Variants in ENOX1 observed in about 807,000 individuals in gnomAD.
The protein encoded by ENOX1 is ecto-NOX disulfide-thiol exchanger 1, also known as candidate growth-related and time keeping constitutive hydroquinone (NADH) oxidase.
ENOX1 carries 42 observed loss-of-function variants against 82.5 expected under a neutral mutation model. That is an observed-to-expected ratio of 0.51 (90% CI 0.40 to 0.66). ENOX1 has a LOEUF of 0.66. Among genes scored for constraint, ENOX1 ranks in the 30% least tolerant of loss-of-function variants. The probability of loss-of-function intolerance (pLI) is 0.00; values close to 1 mark genes in which losing one functional copy is unlikely to be tolerated. For synonymous variants in ENOX1, 271 were observed against 282.2 expected (o/e 0.96, Z 0.40); for missense variants, 608 against 811.6 (o/e 0.75, Z 3.05).
chr13:43,702,398 G>T (rs923307731), intron 1 of ENOX1, among the ~76,000 whole-genome samples: 2 of 152,178 alleles, frequency 1.3e-5, no homozygotes, highest in Non-Finnish European at 2.9e-5. Flanking sequence ...CTTTATATCT[G>T]ATGCCAGAGG....
chr13:43,247,907 A>T (rs2043220295), intron 14 of ENOX1, among the ~76,000 whole-genome samples: 1 of 20,940 alleles, frequency 4.8e-5, no homozygotes, highest in African/African-American at 1.8e-4. Context: ...TTTTTTTGAG[A>T]CGGAGTCTCG....
At chr13:43,644,469 A>G (rs886878936) in intron 2 of ENOX1, among the ~76,000 whole-genome samples, 2 of 152,198 alleles carry the variant, frequency 1.3e-5, no homozygotes, top group African/African-American at 4.8e-5. Flanking sequence ...TAATTCCCCA[A>G]TGCATCTAGA....
intron 9 of ENOX1, among the ~76,000 whole-genome samples, chr13:43,343,403 T>C (rs189391589): frequency 6.6e-6 from 1 of 152,362 alleles, no homozygotes; most frequent in Non-Finnish European, 1.5e-5. Flanking sequence ...GACAGAAGTC[T>C]TATTTTTCCT....
chr13:43,708,427 C>T (rs2087464851), intron 1 of ENOX1, among the ~76,000 whole-genome samples: 1 of 152,122 alleles, frequency 6.6e-6, no homozygotes, highest in African/African-American at 2.4e-5. Context: ...TGGCCCTCTT[C>T]CAGTGTACTT....
At chr13:43,577,591 CCAT>C (rs1295341244) in intron 2 of ENOX1, among the ~76,000 whole-genome samples, 4 of 152,162 alleles carry the variant, frequency 2.6e-5, no homozygotes, top group Non-Finnish European at 5.9e-5. Flanking sequence ...GGAATTCCCT[CCAT>C]CAAGCCATTT....
rs1193163883 is a variant in ENOX1, at chr13:43,786,192, G to C, written c.-285+460C>G. 2.6e-5 allele frequency among the ~76,000 whole-genome samples: 4 copies of C among 152,194 alleles called. No homozygotes were observed. Among genetic ancestry groups the C allele is most frequent in the African/African-American group, 9.7e-5 (4 of 41,448 alleles). On this transcript the variant is annotated intron_variant, in intron 1 of 16. Transcript: ENST00000690772. The surrounding 1 kb of genome is among the most constrained non-coding windows in gnomAD (Gnocchi z 6.0). ...GGCTGGAGGAAAAGGGATGCAGAGCGGGAGGGTGAAAACCTGAAAGAAGAG... is the reference window on the plus strand; with the variant it reads ...GGCTGGAGGAAAAGGGATGCAGAGCCGGAGGGTGAAAACCTGAAAGAAGAG...
intron 1 of ENOX1, among the ~76,000 whole-genome samples, chr13:43,748,026 CA>C (rs1322819620): frequency 6.6e-6 from 1 of 152,152 alleles, no homozygotes; most frequent in Non-Finnish European, 1.5e-5. Context: ...CTTGTTATCT[CA>C]AAATATTATC....
chr13:43,572,824 C>T (rs2080243681), intron 2 of ENOX1, among the ~76,000 whole-genome samples: 1 of 152,210 alleles, frequency 6.6e-6, no homozygotes, highest in Non-Finnish European at 1.5e-5. Context: ...GGCATCTATC[C>T]CTGCTGTTAG....
chr13:43,412,922 T>C lies in ENOX1; in HGVS notation c.-8A>G, dbSNP rs1321924807. The C allele has an allele frequency of 1.2e-6, 2 of 1,614,000 alleles. No homozygotes were observed. Among genetic ancestry groups the C allele is most frequent in the Admixed American group, 1.7e-5 (1 of 60,022 alleles). On this transcript the variant is annotated 5_prime_UTR_variant, in exon 4 of 17. Transcript: ENST00000690772. ...TCCACCTGCATCTACCATTGAATTA[T>C]GAGTGTCCAGAGGGGCAGGAACACT... is the stretch of plus-strand genomic sequence containing the variant.
At chr13:43,579,388 G>C (rs192435104) in intron 2 of ENOX1, among the ~76,000 whole-genome samples, 306 of 152,292 alleles carry the variant, frequency 2.0e-3, no homozygotes, top group African/African-American at 7.1e-3. Flanking sequence ...ACTTTTAACA[G>C]CTCCCTTTCT....
intron 2 of ENOX1, among the ~76,000 whole-genome samples, chr13:43,597,787 T>C (rs1242378984): frequency 6.6e-6 from 1 of 152,204 alleles, no homozygotes; most frequent in Non-Finnish European, 1.5e-5. Context: ...TGGGTCACTG[T>C]ATCTCCCACT....
At chr13:43,271,027 C>T in intron 12 of ENOX1, among the ~76,000 whole-genome samples, 1 of 152,178 alleles carries the variant, frequency 6.6e-6, no homozygotes, top group East Asian at 1.9e-4. Context: ...TCCTGACTGG[C>T]CCTAGAACAG....
chr13:43,649,740 A>T (rs1426560510), intron 2 of ENOX1, among the ~76,000 whole-genome samples: 1 of 152,142 alleles, frequency 6.6e-6, no homozygotes, highest in Non-Finnish European at 1.5e-5. Flanking sequence ...GTTCTCACAA[A>T]ATGAGAAAGA....
At chr13:43,557,963 A>G (rs1233606875) in intron 2 of ENOX1, among the ~76,000 whole-genome samples, 1 of 152,180 alleles carries the variant, frequency 6.6e-6, no homozygotes, top group Non-Finnish European at 1.5e-5. Context: ...CACTCACACT[A>G]TCTCCTGTCT....
chr13:43,367,563 G>T (rs1272569710), intron 5 of ENOX1, among the ~76,000 whole-genome samples: 1 of 152,166 alleles, frequency 6.6e-6, no homozygotes, highest in African/African-American at 2.4e-5. Flanking sequence ...CTAAGAGAAA[G>T]ACATGAAACT....
intron 2 of ENOX1, among the ~76,000 whole-genome samples, chr13:43,636,358 T>C (rs2083414263): frequency 6.6e-6 from 1 of 152,190 alleles, no homozygotes; most frequent in African/African-American, 2.4e-5. Flanking sequence ...CATGGAACCA[T>C]GGGAAGATAA....
At chr13:43,648,124 T>C (rs551186145) in intron 2 of ENOX1, among the ~76,000 whole-genome samples, 1 of 152,350 alleles carries the variant, frequency 6.6e-6, no homozygotes, top group South Asian at 2.1e-4. Flanking sequence ...GCCACTGGGT[T>C]TGTGGTAATT....
intron 2 of ENOX1, among the ~76,000 whole-genome samples, chr13:43,630,524 T>G (rs2083160319): frequency 6.6e-6 from 1 of 152,066 alleles, no homozygotes; most frequent in Admixed American, 6.6e-5. Flanking sequence ...TTTTTGTTGG[T>G]TTTACTTCAA....
chr13:43,545,891 C>G (rs1470052351), intron 2 of ENOX1: 1 of 152,228 alleles, frequency 6.6e-6, no homozygotes, highest in African/African-American at 2.4e-5. Context: ...GCTACACAGA[C>G]CTCTGATAGG....
Sources: gnomAD v4.1 joint callset for allele counts (sites outside exome capture counted in the v4.1 genomes callset) on GRCh38, gnomAD v4.1.1 for gene constraint, Gnocchi (gnomAD v3.1) non-coding constraint, MANE v1.5 for transcripts, NCBI Gene and HGNC (gene_info 2026-07-23, HGNC 2026-07-21) for gene names.